The following RPN1 variants were observed in gnomAD, a reference collection of about 807,000 sequenced individuals.
RPN1 encodes ribophorin I.
Under a neutral mutation model 55.5 loss-of-function variants are expected in RPN1, and 12 were observed. That is an observed-to-expected ratio of 0.22 (90% CI 0.14 to 0.35). The LOEUF (loss-of-function observed/expected upper bound fraction) is 0.35. RPN1 is among the 10% of genes least tolerant of loss of function. The probability of loss-of-function intolerance (pLI) is 1.00; values close to 1 mark genes in which losing one functional copy is unlikely to be tolerated. For missense variants in RPN1, 679 were observed against 761.3 expected (o/e 0.89, Z 1.27); for synonymous variants, 317 against 305.9 (o/e 1.04, Z -0.38).
rs746638811 is a variant in RPN1 at position 128,622,407 on chromosome 3, A to G, written c.1398T>C (p.Asp466=). ...YVRLDFSITK[D]PAAEARMKVA... Reference sequence around the variant, plus strand: ...CCTTCATCCTGGCTTCTGCGGCTGGATCCTGAAGGAAGGAGAGGCACCATG... The same window carrying G: ...CCTTCATCCTGGCTTCTGCGGCTGGGTCCTGAAGGAAGGAGAGGCACCATG... The change falls in exon 9 of 10, where the codon GAT becomes GAC. Residue 466 remains aspartate (D), a splice_region_variant and synonymous_variant. Coordinates refer to ENST00000296255, the MANE Select transcript of RPN1 (RefSeq NM_002950.4). 7 of 1,614,034 alleles carry G rather than the reference A, an allele frequency of 4.3e-6. No homozygotes were observed. In the South Asian group the frequency reaches 7.7e-5, roughly 18 times the overall value.
intron 2 of RPN1, among the ~76,000 whole-genome samples, chr3:128,639,715 G>A (rs1305840755): frequency 6.6e-6 from 1 of 151,744 alleles, no homozygotes; most frequent in African/African-American, 2.4e-5. Flanking sequence ...AGCCTCCCCA[G>A]TAGCTGGGAT....
At chr3:128,643,666 C>T (rs1277508714) in intron 2 of RPN1, among the ~76,000 whole-genome samples, 1 of 151,976 alleles carries the variant, frequency 6.6e-6, no homozygotes, top group Non-Finnish European at 1.5e-5. Flanking sequence ...TGTGCTGGTG[C>T]ATGCCTGTAA....
intron 8 of RPN1, 42 bp downstream of exon 8, chr3:128,625,492 C>G (rs765113281): frequency 6.2e-7 from 1 of 1,613,664 alleles, no homozygotes; most frequent in South Asian, 1.1e-5. Flanking sequence ...GAAATATTAC[C>G]AAGGACACAA....
intron 1 of RPN1, among the ~76,000 whole-genome samples, chr3:128,647,642 G>A (rs982307145): frequency 2.7e-5 from 4 of 150,380 alleles, no homozygotes; most frequent in African/African-American, 7.4e-5. Context: ...AGTGAGCTCT[G>A]ACTGGGCCAC....
At chr3:128,635,740 GTACACCTGGCCTTATATATA>G (rs1325726353) in intron 3 of RPN1, among the ~76,000 whole-genome samples, 2 of 141,308 alleles carry the variant, frequency 1.4e-5, no homozygotes, top group Non-Finnish European at 3.1e-5. Context: ...AAACAAAATG[GTACACCTGGCCTTATATATA>G]TACGTGTGTG....
chr3:128,650,795 C>T lies in RPN1; in HGVS notation c.6G>A (p.Glu2=). 6.5e-7 allele frequency: 1 copy of T among 1,531,358 alleles called. No homozygotes were observed. Among genetic ancestry groups the T allele is most frequent in the Middle Eastern group, 1.9e-4 (1 of 5,186 alleles). The allele number at this position is 1,531,358 out of a possible 1,614,324, so 94.9% of individuals were successfully genotyped here. The change falls in exon 1 of 10, where the codon GAG becomes GAA. Residue 2 remains glutamate, a synonymous_variant. Transcript: ENST00000296255. M[E]APAAGLFLLL... ...GCAGAAACAAGCCGGCGGCTGGCGC[C>T]TCCATGACCGGGAAGAGCAGTGCGC... is the stretch of plus-strand genomic sequence containing the variant.
At chr3:128,623,941 A>G (rs1346022572) in intron 8 of RPN1, among the ~76,000 whole-genome samples, 1 of 152,048 alleles carries the variant, frequency 6.6e-6, no homozygotes, top group Admixed American at 6.6e-5. Flanking sequence ...TCAAGGGTAA[A>G]GGGGCACAAC....
In RPN1 at chr3:128,650,787, G is replaced by A. The variant is rs1482450054; in HGVS notation, c.14C>T (p.Ala5Val). The A allele has an allele frequency of 1.2e-5, 18 of 1,535,704 alleles. No individual in the cohort carries two copies. The highest frequency in any genetic ancestry group is 2.0e-5 in the Admixed American group (1 of 50,028). The change falls in exon 1 of 10, where the codon GCC (alanine) becomes GTC (valine). Residue 5 changes from alanine to valine, a missense_variant. By Grantham distance (64) the Ala-to-Val change is moderately conservative (BLOSUM62 0). This residue lies in a region of RPN1 where 352 missense variants were observed against 352.8 expected (regional missense o/e 1.00). Coordinates refer to ENST00000296255, the MANE Select transcript of RPN1 (RefSeq NM_002950.4). ...CAACAGGAGCAGAAACAAGCCGGCG[G>A]CTGGCGCCTCCATGACCGGGAAGAG... MEAP[A>V]AGLFLLLLLG... is the part of the protein sequence containing the mutation.
In RPN1 at chr3:128,630,014, C is replaced by T. The variant is rs751653612; in HGVS notation, c.973G>A (p.Gly325Arg). 5 of 1,613,826 alleles carry T rather than the reference C, an allele frequency of 3.1e-6. No individual in the cohort carries two copies. Among genetic ancestry groups the T allele is most frequent in the South Asian group, 1.1e-5 (1 of 91,052 alleles). ...CCAACGATGTAATGGGTCTTCCACC[C>T]GCCAAAGAGAGGGAAGCGAGGCCGG... The part of the protein sequence containing the change: ...EIRPRFPLFG[G>R]WKTHYIVGYN... Residue 325 changes from glycine (G) to arginine (R), a missense_variant, in exon 5 of 10, where the codon GGG (glycine) becomes AGG (arginine). This residue lies in a region of RPN1 where 306 missense variants were observed against 360.0 expected (regional missense o/e 0.85). Transcript: ENST00000296255.
At chr3:128,642,788 G>A (rs2069735836) in intron 2 of RPN1, among the ~76,000 whole-genome samples, 6 of 151,724 alleles carry the variant, frequency 4.0e-5, no homozygotes, top group South Asian at 2.1e-4. Context: ...TTGGGAGGCC[G>A]AGGCGGGTGC....
rs2069810993 is a variant in RPN1 at position 128,650,618 on chromosome 3, G to A, written c.183C>T (p.Gly61=). ...GGAAAGAGGTAGCTCGGGACGTGGA[G>A]CCGCCGCCCAGGTGCGCCAGGACCA... ...AEVVLAHLGG[G]STSRATSFLL... Residue 61 remains glycine, a synonymous_variant, in exon 1 of 10, where the codon GGC becomes GGT. Coordinates refer to ENST00000296255, the MANE Select transcript of RPN1 (RefSeq NM_002950.4). 1.9e-6 allele frequency: 3 copies of A among 1,551,606 alleles called. No individual in the cohort carries two copies. Among genetic ancestry groups the A allele is most frequent in the African/African-American group, 1.4e-5 (1 of 73,166 alleles).
At position 128,635,394 on chromosome 3, in the gene RPN1, G is replaced by C. The variant is rs551124544; in HGVS notation, c.633+2405C>G. On this transcript the variant is annotated intron_variant, in intron 3 of 9. Transcript: ENST00000296255. ...TTGGCTACCGCAACCCCTACCTCCTGGGTTCAAGCAGTTCTCGTACCTCAA... is the reference window on the plus strand; with the variant it reads ...TTGGCTACCGCAACCCCTACCTCCTCGGTTCAAGCAGTTCTCGTACCTCAA... Among the ~76,000 whole-genome samples, 40 of 151,484 alleles carry C rather than the reference G, an allele frequency of 2.6e-4. 2 individuals are homozygous for C. The South Asian group carries it at 7.9e-3, about 30-fold the overall frequency.
intron 8 of RPN1, among the ~76,000 whole-genome samples, chr3:128,623,425 C>A (rs1313241607): frequency 6.6e-6 from 1 of 152,176 alleles, no homozygotes; most frequent in Non-Finnish European, 1.5e-5. Flanking sequence ...GTAGTCCCAG[C>A]TACTCAGGGA....
chr3:128,629,500 G>C (rs2069626395), intron 5 of RPN1, among the ~76,000 whole-genome samples: 1 of 152,106 alleles, frequency 6.6e-6, no homozygotes, highest in African/African-American at 2.4e-5. Context: ...GGTGGAGGTT[G>C]CAGTGAGCCA....
chr3:128,628,704 T>G (rs1560021695), intron 5 of RPN1, among the ~76,000 whole-genome samples: 1 of 152,072 alleles, frequency 6.6e-6, no homozygotes, highest in Non-Finnish European at 1.5e-5. Flanking sequence ...AAAACAGGCC[T>G]GGCACAGTGG....
At chr3:128,623,902 G>A (rs769656065) in intron 8 of RPN1, among the ~76,000 whole-genome samples, 7 of 152,096 alleles carry the variant, frequency 4.6e-5, no homozygotes, top group Admixed American at 1.3e-4. Flanking sequence ...GAATACCCTT[G>A]CTCTCAGGCT....
At chr3:128,644,487 T>C (rs1686193953) in intron 2 of RPN1, 1 of 293,132 alleles carries the variant, frequency 3.4e-6, no homozygotes, top group Non-Finnish European at 6.7e-6. Flanking sequence ...CTACTAAAAA[T>C]ACATACATAT....
chr3:128,649,962 C>A (rs1397798822), intron 1 of RPN1, among the ~76,000 whole-genome samples: 4 of 152,210 alleles, frequency 2.6e-5, no homozygotes, highest in African/African-American at 7.2e-5. Flanking sequence ...CTTAAAAATG[C>A]GAAACCTGTT....
intron 3 of RPN1, among the ~76,000 whole-genome samples, chr3:128,635,958 T>C (rs1490810519): frequency 6.6e-6 from 1 of 152,034 alleles, no homozygotes; most frequent in Non-Finnish European, 1.5e-5. Context: ...ACTTGTTATA[T>C]ATGATTTTGT....
Sources: allele counts gnomAD v4.1 joint callset (sites outside exome capture counted in the v4.1 genomes callset), GRCh38; gene constraint gnomAD v4.1.1; regional missense constraint gnomAD v4.1.1; transcripts MANE v1.5; gene names NCBI Gene and HGNC (gene_info 2026-07-23, HGNC 2026-07-21).